The following PLAC9 variants were observed in gnomAD, a reference collection of about 807,000 sequenced individuals.
The protein encoded by PLAC9 is placenta associated 9.
In PLAC9, 12 loss-of-function variants were observed where a neutral mutation model predicts 11.5. The observed-to-expected ratio is 1.05, with a 90% CI of 0.67 to 1.69. The LOEUF (loss-of-function observed/expected upper bound fraction) is 1.69, where lower values mean the gene tolerates loss of function less well. Ranked by LOEUF, PLAC9 falls within the 40% of genes most tolerant of loss-of-function variation. The pLI, the probability that PLAC9 is intolerant of heterozygous loss-of-function variation, is 0.00. For synonymous variants in PLAC9, 62 were observed against 58.1 expected, an observed-to-expected ratio of 1.07 and a Z score of -0.31; for missense variants, 132 against 130.5, an observed-to-expected ratio of 1.01 and a Z score of -0.06.
chr10:80,138,908 T>C (rs1040089175), intron 1 of PLAC9, among the ~76,000 whole-genome samples: 2 of 151,562 alleles, frequency 1.3e-5, no homozygotes, highest in African/African-American at 4.8e-5. Flanking sequence ...ATATTGTCAC[T>C]CTCTGAAGCT....
At chr10:80,134,823 T>G (rs1048111416) in intron 1 of PLAC9, among the ~76,000 whole-genome samples, 2 of 135,180 alleles carry the variant, frequency 1.5e-5, no homozygotes, top group African/African-American at 5.1e-5. Context: ...TATGTAAGTC[T>G]TCTCTCCCCT....
rs1589403958 is a variant in PLAC9, at chr10:80,137,989, C to T, written c.65-4093C>T. 3.9e-5 allele frequency among the ~76,000 whole-genome samples: 6 copies of T among 152,164 alleles called. No individual in the cohort carries two copies. In the South Asian group the frequency reaches 1.0e-3, roughly 26 times the overall value. Reference sequence around the variant, plus strand: ...TGCTCCTGCCTCTCAAGGGCCTTCTCAGGATGTGGGGCCAGGATGGAGCAT... The same window carrying T: ...TGCTCCTGCCTCTCAAGGGCCTTCTTAGGATGTGGGGCCAGGATGGAGCAT... On this transcript the variant is annotated intron_variant, in intron 1 of 3. Coordinates refer to ENST00000372263, the MANE Select transcript of PLAC9 (RefSeq NM_001012973.3).
chr10:80,134,585 A>G (rs1476489970), intron 1 of PLAC9, among the ~76,000 whole-genome samples: 2 of 152,112 alleles, frequency 1.3e-5, no homozygotes. Flanking sequence ...ATTTTCATCT[A>G]TAAATATTTC....
At chr10:80,133,786 T>C (rs1844940290) in intron 1 of PLAC9, among the ~76,000 whole-genome samples, 1 of 151,798 alleles carries the variant, frequency 6.6e-6, no homozygotes, top group Non-Finnish European at 1.5e-5. Flanking sequence ...CTATTAAAAA[T>C]ACAAAAAATT....
At chr10:80,140,632 C>G (rs1471347389) in intron 1 of PLAC9, among the ~76,000 whole-genome samples, 1 of 152,122 alleles carries the variant, frequency 6.6e-6, no homozygotes, top group Non-Finnish European at 1.5e-5. Flanking sequence ...AACCCAAGCT[C>G]GGCATCAGGG....
Position 80,144,968 on chromosome 10 carries a change from G to A in PLAC9, c.*58G>A. ...GTGCACCTGCCAGGCAGCGCCCACAGAACCAGCCCTGTCCTCTCGACTTCC... is the reference window on the plus strand; with the variant it reads ...GTGCACCTGCCAGGCAGCGCCCACAAAACCAGCCCTGTCCTCTCGACTTCC... On this transcript the variant is annotated 3_prime_UTR_variant, in exon 4 of 4. Transcript: ENST00000372263. The A allele has an allele frequency of 6.4e-7, 1 of 1,556,074 alleles. No homozygotes were observed. The highest frequency in any genetic ancestry group is 8.7e-7 in the Non-Finnish European group (1 of 1,147,768).
At chr10:80,134,552 CAA>C in intron 1 of PLAC9, among the ~76,000 whole-genome samples, 1 of 152,160 alleles carries the variant, frequency 6.6e-6, no homozygotes, top group Admixed American at 6.5e-5. Flanking sequence ...GTGTGAGCCA[CAA>C]TGCCTGGCCT....
chr10:80,145,088 T>A lies in PLAC9; in HGVS notation c.*178T>A. The A allele has an allele frequency of 2.4e-6, 2 of 835,714 alleles. No homozygotes were observed. The highest frequency in any genetic ancestry group is 2.9e-5 in the South Asian group (2 of 68,876). The allele number at this position is 835,714 out of a possible 1,614,324, so 51.8% of individuals were successfully genotyped here. ...AACTACAGCCTCCTCTCACTCCACTTCCATGCCTGGAGGAAGCCTGCAACC... is the reference window on the plus strand; with the variant it reads ...AACTACAGCCTCCTCTCACTCCACTACCATGCCTGGAGGAAGCCTGCAACC... On this transcript the variant is annotated 3_prime_UTR_variant, in exon 4 of 4. Coordinates refer to ENST00000372263, the MANE Select transcript of PLAC9 (RefSeq NM_001012973.3).
upstream of PLAC9, chr10:80,132,689 T>C: frequency 7.7e-7 from 1 of 1,303,536 alleles, no homozygotes; most frequent in Non-Finnish European, 1.0e-6. Flanking sequence ...GCATTTCCTC[T>C]CGGGCCGGCC....
chr10:80,132,514 G>A, upstream of PLAC9: 1 of 431,624 alleles, frequency 2.3e-6, no homozygotes, highest in East Asian at 3.9e-5. Context: ...GGACTCGGGG[G>A]GCGGCCCCTT....
chr10:80,140,480 G>A (rs34978962), intron 1 of PLAC9, among the ~76,000 whole-genome samples: 1 of 152,074 alleles, frequency 6.6e-6, no homozygotes, highest in Admixed American at 6.5e-5. Flanking sequence ...CCCTGCTGAC[G>A]CTTTTCATCC....
intron 1 of PLAC9, among the ~76,000 whole-genome samples, chr10:80,133,052 C>T (rs1395764475): frequency 6.6e-6 from 1 of 152,068 alleles, no homozygotes; most frequent in Admixed American, 6.6e-5. Flanking sequence ...GGGAAGAATA[C>T]ACAGTGAAAA....
intron 3 of PLAC9, 85 bp downstream of exon 3, chr10:80,144,428 G>A: frequency 6.8e-7 from 1 of 1,464,074 alleles, no homozygotes; most frequent in Non-Finnish European, 9.0e-7. Context: ...CTGCTCCACT[G>A]CACAGGTGTA....
intron 1 of PLAC9, among the ~76,000 whole-genome samples, chr10:80,140,096 C>T (rs1219117388): frequency 6.6e-6 from 1 of 152,144 alleles, no homozygotes; most frequent in Non-Finnish European, 1.5e-5. Flanking sequence ...TGTCTTCCTT[C>T]GAGATGTGGT....
chr10:80,137,805 C>G (rs1844996994), intron 1 of PLAC9, among the ~76,000 whole-genome samples: 1 of 151,822 alleles, frequency 6.6e-6, no homozygotes, highest in African/African-American at 2.4e-5. Context: ...GTCCCAGCTA[C>G]TCTGGAGGCT....
intron 2 of PLAC9, among the ~76,000 whole-genome samples, chr10:80,143,617 G>C (rs1310352760): frequency 1.4e-5 from 2 of 145,898 alleles, no homozygotes; most frequent in Non-Finnish European, 3.0e-5. Context: ...GGCTGATCTT[G>C]AACTCCTGAC....
intron 1 of PLAC9, among the ~76,000 whole-genome samples, chr10:80,141,537 T>C (rs558381294): frequency 2.6e-5 from 4 of 152,188 alleles, no homozygotes; most frequent in African/African-American, 9.6e-5. Flanking sequence ...AGGCGGAGGT[T>C]GGAGTGAGCT....
At chr10:80,142,238 T>G (rs1004710914) in intron 2 of PLAC9, 59 bp downstream of exon 2, 11 of 1,395,544 alleles carry the variant, frequency 7.9e-6, no homozygotes, top group Non-Finnish European at 1.1e-5. Flanking sequence ...GATGGTGTTT[T>G]TATGGGCAGA....
At chr10:80,132,520 C>T (rs1844923679), upstream of PLAC9, 3 of 431,768 alleles carry the variant, frequency 6.9e-6, no homozygotes, top group South Asian at 1.3e-4. Context: ...GGGGGGCGGC[C>T]CCTTCCTCGG....
Sources: allele counts gnomAD v4.1 joint callset (sites outside exome capture counted in the v4.1 genomes callset), GRCh38; gene constraint gnomAD v4.1.1; transcripts MANE v1.5; gene names NCBI Gene and HGNC (gene_info 2026-07-23, HGNC 2026-07-21).